Variants in EYS observed in about 807,000 individuals in gnomAD.
The protein encoded by EYS is EGF-like photoreceptor maintenance factor, also known as protein eyes shut homolog.
In EYS, 250 loss-of-function variants were observed where a neutral mutation model predicts 282.1. That is an observed-to-expected ratio of 0.89 (90% confidence interval 0.80 to 0.98). EYS has a LOEUF of 0.98. Ranked by LOEUF, EYS falls within the 50% of genes least tolerant of loss-of-function variation. The pLI, the probability that EYS is intolerant of heterozygous loss-of-function variation, is 0.00. For missense variants in EYS, 4,016 were observed against 3,709.0 expected, an observed-to-expected ratio of 1.08 and a Z score of -2.15; for synonymous variants, 1,355 against 1,282.9, an observed-to-expected ratio of 1.06 and a Z score of -1.20.
In EYS at chr6:65,164,838, C is replaced by T. The variant is rs183797768; in HGVS notation, c.2024-107111G>A. ...ACTCATTGAATTCTCGATGTACAAC[C>T]CCAGTCTCTGCCTTCATCTTCATAA... On this transcript the variant is annotated intron_variant, in intron 12 of 42. Coordinates refer to ENST00000503581, the MANE Select transcript of EYS (RefSeq NM_001142800.2). Among the ~76,000 whole-genome samples the T allele has an allele frequency of 4.0e-4, 61 of 151,264 alleles. 1 individual carries two copies. The highest frequency in any genetic ancestry group is 1.3e-3 in the African/African-American group (55 of 41,404).
At chr6:65,655,712 G>A (rs1844528) in intron 1 of EYS, among the ~76,000 whole-genome samples, 3 of 151,580 alleles carry the variant, frequency 2.0e-5, no homozygotes, top group African/African-American at 7.3e-5. Flanking sequence ...TGTCCAGCAA[G>A]ATGTGACTGA....
chr6:64,780,715 T>C (rs1773833032), intron 22 of EYS, among the ~76,000 whole-genome samples: 1 of 152,142 alleles, frequency 6.6e-6, no homozygotes, highest in Non-Finnish European at 1.5e-5. Context: ...AATTAATTCA[T>C]CTGGGATAGC....
chr6:65,273,429 C>G (rs1412292810), intron 12 of EYS, among the ~76,000 whole-genome samples: 1 of 151,926 alleles, frequency 6.6e-6, no homozygotes, highest in Non-Finnish European at 1.5e-5. Flanking sequence ...AGGAAAGTAA[C>G]AGGCAAGGCA....
intron 26 of EYS, among the ~76,000 whole-genome samples, chr6:64,531,054 G>A (rs1403717112): frequency 6.6e-6 from 1 of 152,140 alleles, no homozygotes; most frequent in Non-Finnish European, 1.5e-5. Flanking sequence ...AAGAAATTGA[G>A]TTCTCATGCT....
intron 32 of EYS, among the ~76,000 whole-genome samples, chr6:64,077,435 A>G (rs1471718084): frequency 6.6e-6 from 1 of 152,028 alleles, no homozygotes; most frequent in Non-Finnish European, 1.5e-5. Flanking sequence ...CTCCAGGAGT[A>G]TCAGAAATCT....
At chr6:65,515,171 C>G (rs1264448375) in intron 2 of EYS, among the ~76,000 whole-genome samples, 2 of 152,060 alleles carry the variant, frequency 1.3e-5, no homozygotes, top group African/African-American at 4.8e-5. Flanking sequence ...ATTTATCCAG[C>G]CAAAAAACAC....
intron 22 of EYS, among the ~76,000 whole-genome samples, chr6:64,791,255 A>G (rs182212172): frequency 1.3e-5 from 2 of 152,016 alleles, no homozygotes; most frequent in East Asian, 3.9e-4. Flanking sequence ...GAAAAAATAC[A>G]TACATTCTAA....
rs143884651 is a variant in EYS, at chr6:65,350,166, A to G, written c.1459+3292T>C. 3.4e-4 allele frequency among the ~76,000 whole-genome samples: 52 copies of G among 151,618 alleles called. No individual in the cohort carries two copies. In the East Asian group the frequency reaches 9.1e-3, roughly 27 times the overall value. ...TTTAAAAAGCCTTCAACTAAAGATT[A>G]AAACTAAAGTCCCTAAAATACTTAA... On this transcript the variant is annotated intron_variant, in intron 9 of 42. Coordinates refer to ENST00000503581, the MANE Select transcript of EYS (RefSeq NM_001142800.2).
chr6:65,080,095 T>C (rs1340258047), intron 12 of EYS, among the ~76,000 whole-genome samples: 1 of 152,110 alleles, frequency 6.6e-6, no homozygotes, highest in Non-Finnish European at 1.5e-5. Flanking sequence ...TCTCTGTCTG[T>C]AAACTCTGTT....
chr6:63,986,278 G>A (rs551091305), intron 34 of EYS, among the ~76,000 whole-genome samples: 16 of 151,880 alleles, frequency 1.1e-4, no homozygotes, highest in African/African-American at 3.4e-4. Context: ...AATAACAGAC[G>A]CTGGCTAGGT....
chr6:64,534,928 C>T (rs1764472187), intron 26 of EYS, among the ~76,000 whole-genome samples: 1 of 152,098 alleles, frequency 6.6e-6, no homozygotes, highest in Admixed American at 6.6e-5. Flanking sequence ...GGTGCATGCA[C>T]ACACACATAC....
At chr6:64,312,180 C>G (rs946078449) in intron 29 of EYS, among the ~76,000 whole-genome samples, 1 of 151,884 alleles carries the variant, frequency 6.6e-6, no homozygotes. Context: ...CTAGGATGCT[C>G]GAGCTTGGTG....
intron 31 of EYS, among the ~76,000 whole-genome samples, chr6:64,082,246 G>C (rs1219759747): frequency 6.6e-6 from 1 of 152,044 alleles, no homozygotes; most frequent in Non-Finnish European, 1.5e-5. Context: ...TTATGGATGG[G>C]TTTTAAGACA....
chr6:64,788,663 G>A (rs1029943435), intron 22 of EYS, among the ~76,000 whole-genome samples: 12 of 152,086 alleles, frequency 7.9e-5, no homozygotes, highest in Admixed American at 7.9e-4. Flanking sequence ...CAGGCAGCAA[G>A]CGTCTCCAAT....
At chr6:64,863,295 C>A (rs1222365988) in intron 19 of EYS, among the ~76,000 whole-genome samples, 1 of 152,128 alleles carries the variant, frequency 6.6e-6, no homozygotes, top group African/African-American at 2.4e-5. Context: ...TTCCCTTTCT[C>A]TGTTGAGACT....
intron 13 of EYS, among the ~76,000 whole-genome samples, chr6:65,027,353 T>TTTTGTGACAGTCTTCATTAGCAGA (rs1772453735): frequency 6.6e-6 from 1 of 152,202 alleles, no homozygotes; most frequent in Non-Finnish European, 1.5e-5. Flanking sequence ...CATTAGAAGT[T>TTTTGTGACAGTCTTCATTAGCAGA]TTTGTGACAG....
chr6:64,555,478 AAG>A (rs1765208119), intron 26 of EYS, among the ~76,000 whole-genome samples: 1 of 151,892 alleles, frequency 6.6e-6, no homozygotes, highest in South Asian at 2.1e-4. Flanking sequence ...GAAAATTGCT[AAG>A]AGAGATTATT....
intron 13 of EYS, among the ~76,000 whole-genome samples, chr6:65,056,870 A>G (rs1449798973): frequency 6.6e-6 from 1 of 152,082 alleles, no homozygotes; most frequent in East Asian, 1.9e-4. Flanking sequence ...TCTTATTGTC[A>G]TTTAACAGTG....
chr6:63,824,305 G>A (rs994248352), intron 36 of EYS, among the ~76,000 whole-genome samples: 2 of 152,116 alleles, frequency 1.3e-5, no homozygotes, highest in East Asian at 1.9e-4. Context: ...GAAACATGAC[G>A]GTATGGAGTG....
Sources: gnomAD v4.1 joint callset for allele counts (sites outside exome capture counted in the v4.1 genomes callset) on GRCh38, gnomAD v4.1.1 for gene constraint, MANE v1.5 for transcripts, NCBI Gene and HGNC (gene_info 2026-07-23, HGNC 2026-07-21) for gene names.